The following KCTD19 variants were observed in gnomAD, a reference collection of about 807,000 sequenced individuals.
KCTD19 encodes the protein BTB/POZ domain-containing protein KCTD19.
A neutral mutation model predicts 103.5 loss-of-function variants in KCTD19; 67 were observed. The observed-to-expected ratio is 0.65, with a 90% CI of 0.53 to 0.79. The LOEUF (loss-of-function observed/expected upper bound fraction) is 0.79, where lower values mean the gene tolerates loss of function less well. KCTD19 is among the 30% of genes least tolerant of loss of function. The pLI, the probability that KCTD19 is intolerant of heterozygous loss-of-function variation, is 0.00. For synonymous variants in KCTD19, 439 were observed against 452.2 expected, an observed-to-expected ratio of 0.97 and a Z score of 0.37; for missense variants, 980 against 1,136.1, an observed-to-expected ratio of 0.86 and a Z score of 1.98.
intron 4 of KCTD19, 38 bp from the exon 5 acceptor site, chr16:67,301,960 C>G: frequency 6.2e-7 from 1 of 1,609,912 alleles, no homozygotes; most frequent in Non-Finnish European, 8.5e-7. Context: ...GTTAATGAGG[C>G]TATTTCTGGT....
At chr16:67,290,221 A>G (rs2036666162) in intron 15 of KCTD19, among the ~76,000 whole-genome samples, 2 of 114,700 alleles carry the variant, frequency 1.7e-5, no homozygotes, top group Non-Finnish European at 3.2e-5. Context: ...TCTGTCACCC[A>G]GGCTGGAGTG....
At chr16:67,324,667 C>T (rs1417923137) in intron 1 of KCTD19, among the ~76,000 whole-genome samples, 1 of 152,102 alleles carries the variant, frequency 6.6e-6, no homozygotes, top group Non-Finnish European at 1.5e-5. Flanking sequence ...AAGCTCCCTG[C>T]TCCAGAAAGA....
chr16:67,326,579 G>A (rs1275507632), intron 1 of KCTD19, 126 bp downstream of exon 1: 1 of 1,335,010 alleles, frequency 7.5e-7, no homozygotes, highest in Non-Finnish European at 1.0e-6. Context: ...TCCCGGCTGG[G>A]GGCCCCTCGC....
rs1231692606 is a variant in KCTD19 at position 67,289,654 on chromosome 16, C to G, written c.2696G>C (p.Gly899Ala). ...CTGGATGAGCAGGTCCATGCATCGG[C>G]CATATTTCCTGGCGAAGGGCAGTGT... ...ELTLPFARKY[G>A]RCMDLLIQRG... The change falls in exon 16 of 16, where the codon GGC (glycine) becomes GCC (alanine). Residue 899 changes from glycine to alanine, a missense_variant. Physicochemically the swap from Gly to Ala is moderately conservative, Grantham distance 60. Transcript: ENST00000304372. 1.9e-6 allele frequency: 3 copies of G among 1,614,024 alleles called. No homozygotes were observed. In the Admixed American group the frequency reaches 5.0e-5, roughly 27 times the overall value.
chr16:67,311,922 C>T (rs1268467720), intron 2 of KCTD19, among the ~76,000 whole-genome samples: 2 of 152,176 alleles, frequency 1.3e-5, no homozygotes, highest in African/African-American at 4.8e-5. Flanking sequence ...TTATGTCATC[C>T]TCTTCCTTTC....
At chr16:67,322,010 A>G (rs2037079851) in intron 1 of KCTD19, 1 of 152,228 alleles carries the variant, frequency 6.6e-6, no homozygotes, top group African/African-American at 2.4e-5. Flanking sequence ...ACTTATTTCA[A>G]AGCTAGATCA....
At position 67,301,772 on chromosome 16, in the gene KCTD19, A is replaced by G. The variant is rs377470677; in HGVS notation, c.775+19T>C. 7 of 1,612,398 alleles carry G rather than the reference A, an allele frequency of 4.3e-6. No homozygotes were observed. The Middle Eastern group carries it at 5.0e-4, about 114-fold the overall frequency. On this transcript the variant is annotated intron_variant, in intron 5 of 15. Coordinates refer to ENST00000304372, the MANE Select transcript of KCTD19 (RefSeq NM_001100915.3). ...AGCCAAGACTGTCGAGGGGGAGCCA[A>G]GGTTTCCTGGCGACATACCCATGTT...
At chr16:67,325,838 C>T (rs923293886) in intron 1 of KCTD19, 4 of 152,130 alleles carry the variant, frequency 2.6e-5, no homozygotes, top group African/African-American at 7.2e-5. Flanking sequence ...TCATCCCCAC[C>T]CCATTACAAA....
chr16:67,297,710 C>G (rs955159184), intron 6 of KCTD19, 47 bp from the exon 7 acceptor site: 1 of 1,579,672 alleles, frequency 6.3e-7, no homozygotes, highest in Admixed American at 1.7e-5. Context: ...CATTGTACCC[C>G]AAGAGAGTCG....
At chr16:67,299,921 A>G (rs2036815589) in intron 5 of KCTD19, 1 of 253,542 alleles carries the variant, frequency 3.9e-6, no homozygotes, top group Admixed American at 5.4e-5. Context: ...ATCCAAAGGT[A>G]AAGAACGGCA....
intron 2 of KCTD19, among the ~76,000 whole-genome samples, chr16:67,314,860 G>GAA (rs2036991712): frequency 6.9e-6 from 1 of 144,510 alleles, no homozygotes; most frequent in Non-Finnish European, 1.5e-5. Flanking sequence ...GAGAGAGAGA[G>GAA]AGAGAGAGAG....
intron 2 of KCTD19, among the ~76,000 whole-genome samples, chr16:67,313,088 T>G (rs1410821319): frequency 6.6e-6 from 1 of 151,788 alleles, no homozygotes; most frequent in Non-Finnish European, 1.5e-5. Context: ...CAGTAAAACT[T>G]TATCAATGGC....
chr16:67,320,646 T>C lies in KCTD19; in HGVS notation c.243A>G (p.Ala81=). The C allele has an allele frequency of 6.2e-7, 1 of 1,614,226 alleles. No individual in the cohort carries two copies. Among genetic ancestry groups the C allele is most frequent in the Non-Finnish European group, 8.5e-7 (1 of 1,180,034 alleles). The change falls in exon 2 of 16, where the codon GCA becomes GCG. Residue 81 remains alanine, a synonymous_variant. Transcript: ENST00000304372. This position sits in a 1 kb window ranked among gnomAD's most constrained non-coding sequence, Gnocchi z 4.0. ...CTTGCTCATACAGCAAGTTCAGTTCTGCACAACTGGAGAAGGAGAGTTTGG... is the reference window on the plus strand; with the variant it reads ...CTTGCTCATACAGCAAGTTCAGTTCCGCACAACTGGAGAAGGAGAGTTTGG... ...YTSKLSFSSC[A]ELNLLYEQAL...
At chr16:67,304,231 G>A (rs112321260) in intron 3 of KCTD19, among the ~76,000 whole-genome samples, 190 bp downstream of exon 3, 2 of 152,314 alleles carry the variant, frequency 1.3e-5, no homozygotes, top group African/African-American at 2.4e-5. Context: ...GAGTGTGGAG[G>A]AGAATGTTGG....
At chr16:67,299,665 T>TCG in intron 5 of KCTD19, 92 bp from the exon 6 acceptor site, 5 of 996,730 alleles carry the variant, frequency 5.0e-6, no homozygotes, top group African/African-American at 1.6e-5. Context: ...CTGCCTCCAT[T>TCG]GTACCGAGGA....
rs578075555 is a variant in KCTD19 at position 67,323,631 on chromosome 16, A to T, written c.4-2746T>A. Among the ~76,000 whole-genome samples the T allele has an allele frequency of 5.0e-4, 76 of 152,352 alleles. No homozygotes were observed. Among genetic ancestry groups the T allele is most frequent in the Non-Finnish European group, 8.8e-4 (60 of 68,028 alleles). ...GAAGCCAAACAAAAAATCACATATGATTCCATCCACATGCAATGTGTGGAC... is the reference window on the plus strand; with the variant it reads ...GAAGCCAAACAAAAAATCACATATGTTTCCATCCACATGCAATGTGTGGAC... On this transcript the variant is annotated intron_variant, in intron 1 of 15. Transcript: ENST00000304372. The surrounding 1 kb of genome is among the most constrained non-coding windows in gnomAD (Gnocchi z 4.1).
intron 6 of KCTD19, among the ~76,000 whole-genome samples, chr16:67,298,635 G>C (rs376794783): frequency 6.6e-4 from 101 of 152,290 alleles, no homozygotes; most frequent in African/African-American, 2.2e-3. Flanking sequence ...ATCTCTGAAA[G>C]ATATGGACTT....
chr16:67,295,349 G>A lies in KCTD19; in HGVS notation c.1305C>T (p.Thr435=). 3.7e-6 allele frequency: 6 copies of A among 1,614,114 alleles called. No homozygotes were observed. The highest frequency in any genetic ancestry group is 4.2e-6 in the Non-Finnish European group (5 of 1,179,998). Reference sequence around the variant, plus strand: ...TCTGGCCATCCCCGTGGATGAGCAGGGTTTGTCCATATGTGATCCAGTACA... The same window carrying A: ...TCTGGCCATCCCCGTGGATGAGCAGAGTTTGTCCATATGTGATCCAGTACA... ...QRVYWITYGQ[T]LLIHGDGQMF... Residue 435 remains threonine, a synonymous_variant, in exon 9 of 16, where the codon ACC becomes ACT. Transcript: ENST00000304372.
chr16:67,303,108 C>CCGGGGGGGG lies in KCTD19; in HGVS notation c.643+37_643+38insCCCCCCCCG. The CCGGGGGGGG allele has an allele frequency of 3.8e-6, 3 of 798,078 alleles. No homozygotes were observed. Among genetic ancestry groups the CCGGGGGGGG allele is most frequent in the African/African-American group, 1.8e-5 (1 of 56,750 alleles). The allele number at this position is 798,078 out of a possible 1,614,324, so 49.4% of individuals were successfully genotyped here. On this transcript the variant is annotated intron_variant, in intron 4 of 15. Coordinates refer to ENST00000304372, the MANE Select transcript of KCTD19 (RefSeq NM_001100915.3). This position sits in a 1 kb window ranked among gnomAD's most constrained non-coding sequence, Gnocchi z 4.3. ...ATGGGGAGGGGTGAATGGGCCCTATCAGCCCGCCCCCCACCCCACCCCGGA... is the reference window on the plus strand; with the variant it reads ...ATGGGGAGGGGTGAATGGGCCCTATCCGGGGGGGGAGCCCGCCCCCCACCCCACCCCGGA...
Sources: allele counts gnomAD v4.1 joint callset (sites outside exome capture counted in the v4.1 genomes callset), GRCh38; gene constraint gnomAD v4.1.1; non-coding constraint Gnocchi (gnomAD v3.1); transcripts MANE v1.5; gene names NCBI Gene and HGNC (gene_info 2026-07-23, HGNC 2026-07-21).